CDH13: variants seen among roughly 807,000 people sequenced by gnomAD.
The protein encoded by CDH13 is cadherin-13.
In CDH13, 24 loss-of-function variants were observed where a neutral mutation model predicts 63.8. The observed-to-expected ratio is 0.38, with a 90% CI of 0.27 to 0.53. The LOEUF (loss-of-function observed/expected upper bound fraction) is 0.53, where lower values mean the gene tolerates loss of function less well. Among genes scored for constraint, CDH13 ranks in the 20% least tolerant of loss-of-function variants. The probability of loss-of-function intolerance (pLI) is 0.85; values close to 1 mark genes in which losing one functional copy is unlikely to be tolerated. For synonymous variants in CDH13, 503 were observed against 355.3 expected, an observed-to-expected ratio of 1.42 and a Z score of -4.67; for missense variants, 1,049 against 903.1, an observed-to-expected ratio of 1.16 and a Z score of -2.07.
chr16:83,184,857 C>G (rs1023843942), intron 4 of CDH13, among the ~76,000 whole-genome samples: 1 of 151,514 alleles, frequency 6.6e-6, no homozygotes. Context: ...TACATTAGCT[C>G]ATTTAGTGTT....
chr16:83,783,604 T>C lies in CDH13; in HGVS notation c.2134+132T>C, dbSNP rs1354086880. 7.8e-6 allele frequency: 6 copies of C among 766,032 alleles called. No homozygotes were observed. The Admixed American group carries it at 9.8e-5, about 12-fold the overall frequency. The allele number at this position is 766,032 out of a possible 1,614,324, so 47.5% of individuals were successfully genotyped here. ...AAGAATCATTCATCTTTAGTGTATG[T>C]CTGTATGATAGAACATGTTATATGT... is the stretch of plus-strand genomic sequence containing the variant. On this transcript the variant is annotated intron_variant, in intron 13 of 13. Transcript: ENST00000567109.
intron 4 of CDH13, among the ~76,000 whole-genome samples, chr16:83,191,599 C>G (rs976014734): frequency 7.2e-6 from 1 of 139,496 alleles, no homozygotes; most frequent in African/African-American, 2.7e-5. Context: ...TAAATAGTAT[C>G]AACTCACATG....
chr16:82,729,614 G>A (rs1157001213), intron 1 of CDH13, among the ~76,000 whole-genome samples: 4 of 152,070 alleles, frequency 2.6e-5, no homozygotes, highest in African/African-American at 4.8e-5. Flanking sequence ...AATTTAGGAT[G>A]ATTATTTAGG....
At chr16:83,253,593 G>C (rs1905852375) in intron 5 of CDH13, among the ~76,000 whole-genome samples, 1 of 152,196 alleles carries the variant, frequency 6.6e-6, no homozygotes. Context: ...CAGCCCTTCG[G>C]GGGTGCTTTG....
chr16:83,095,994 G>A (rs4641734), intron 3 of CDH13, among the ~76,000 whole-genome samples: 60,787 of 152,040 alleles, frequency 0.4, 12,928 homozygotes, highest in Middle Eastern at 0.58. Context: ...GGTTGAACAT[G>A]TCTTTAGGAG....
At chr16:82,879,847 T>A (rs2040633555) in intron 2 of CDH13, among the ~76,000 whole-genome samples, 1 of 142,222 alleles carries the variant, frequency 7.0e-6, no homozygotes, top group African/African-American at 2.6e-5. Context: ...CAAATTATAT[T>A]TGTGAATATA....
At chr16:82,776,846 G>A (rs2035522361) in intron 1 of CDH13, among the ~76,000 whole-genome samples, 2 of 152,184 alleles carry the variant, frequency 1.3e-5, no homozygotes, top group Admixed American at 1.3e-4. Flanking sequence ...AGGTGTCCCA[G>A]CATTTTGCAC....
chr16:82,690,798 G>C (rs1322252090), intron 1 of CDH13, among the ~76,000 whole-genome samples: 1 of 152,250 alleles, frequency 6.6e-6, no homozygotes, highest in Non-Finnish European at 1.5e-5. Context: ...ACCTCTGGGA[G>C]TCACCTGGGT....
At chr16:82,997,211 G>A (rs1330200996) in intron 2 of CDH13, among the ~76,000 whole-genome samples, 2 of 152,042 alleles carry the variant, frequency 1.3e-5, no homozygotes, top group Non-Finnish European at 2.9e-5. Flanking sequence ...TGATGATAAT[G>A]ATGGTAATGG....
At chr16:82,818,232 G>C (rs1398669783) in intron 1 of CDH13, among the ~76,000 whole-genome samples, 1 of 152,040 alleles carries the variant, frequency 6.6e-6, no homozygotes, top group Non-Finnish European at 1.5e-5. Flanking sequence ...CATTGTTTCT[G>C]TTACGTAGAT....
intron 3 of CDH13, among the ~76,000 whole-genome samples, chr16:83,066,928 G>T (rs1431118734): frequency 1.3e-5 from 2 of 152,124 alleles, no homozygotes; most frequent in East Asian, 1.9e-4. Flanking sequence ...TTACCAAGGG[G>T]TTCAGACTGT....
chr16:82,940,857 G>A (rs1180495546), intron 2 of CDH13, among the ~76,000 whole-genome samples: 3 of 152,132 alleles, frequency 2.0e-5, no homozygotes, highest in Admixed American at 2.0e-4. Context: ...CAACCCAGCT[G>A]CAAGCTTTAT....
chr16:83,747,905 C>A (rs944160439), intron 10 of CDH13, among the ~76,000 whole-genome samples: 4 of 151,946 alleles, frequency 2.6e-5, no homozygotes, highest in African/African-American at 9.7e-5. Context: ...AGGAGGCACA[C>A]ATGCAAAGTG....
At position 83,579,971 on chromosome 16, in the gene CDH13, G is replaced by A. The variant is rs796688692; in HGVS notation, c.961-22483G>A. On this transcript the variant is annotated intron_variant, in intron 7 of 13. Transcript: ENST00000567109. ...TGGACGGAGGCTGTCCCAGGCAAAGGGAATGGCGTTTTCAAAGGCTCAGAA... is the reference window on the plus strand; with the variant it reads ...TGGACGGAGGCTGTCCCAGGCAAAGAGAATGGCGTTTTCAAAGGCTCAGAA... 3.3e-5 allele frequency among the ~76,000 whole-genome samples: 5 copies of A among 152,160 alleles called. 1 individual carries two copies. The highest frequency in any genetic ancestry group is 9.6e-5 in the African/African-American group (4 of 41,510).
intron 2 of CDH13, among the ~76,000 whole-genome samples, chr16:82,922,054 A>G (rs1463662335): frequency 6.6e-6 from 1 of 152,166 alleles, no homozygotes; most frequent in African/African-American, 2.4e-5. Flanking sequence ...TTGGCATAAA[A>G]TTATTCATAG....
chr16:83,043,716 G>A (rs1187053667), intron 3 of CDH13, among the ~76,000 whole-genome samples: 2 of 152,012 alleles, frequency 1.3e-5, no homozygotes, highest in South Asian at 2.1e-4. Flanking sequence ...AAAATTAGCT[G>A]GGCATGGTGG....
In CDH13 at chr16:83,795,372, G is replaced by A. The variant is rs922142103; in HGVS notation, c.*342G>A. The A allele has an allele frequency of 4.1e-5, 13 of 318,614 alleles. No individual in the cohort carries two copies. The highest frequency in any genetic ancestry group is 7.1e-5 in the Non-Finnish European group (12 of 169,690). 19.7% of individuals were successfully genotyped at this position (318,614 alleles called of 1,614,324 possible). A position where few individuals can be genotyped will look rare whatever the true frequency, so the allele number is the denominator to read the frequency against. ...CTCCAGGCACCCAGCTTTGTCTGTGGGTTAGTATTGGTGTATGTATGAGTA... is the reference window on the plus strand; with the variant it reads ...CTCCAGGCACCCAGCTTTGTCTGTGAGTTAGTATTGGTGTATGTATGAGTA... On this transcript the variant is annotated 3_prime_UTR_variant, in exon 14 of 14. Coordinates refer to ENST00000567109, the MANE Select transcript of CDH13 (RefSeq NM_001257.5).
intron 3 of CDH13, among the ~76,000 whole-genome samples, chr16:83,084,945 C>T (rs1019179897): frequency 1.3e-5 from 2 of 152,176 alleles, no homozygotes; most frequent in East Asian, 3.9e-4. Flanking sequence ...CGAGAAGTCT[C>T]AGTGTAGGTG....
At chr16:83,090,007 G>A (rs2033814922) in intron 3 of CDH13, among the ~76,000 whole-genome samples, 1 of 152,110 alleles carries the variant, frequency 6.6e-6, no homozygotes, top group Non-Finnish European at 1.5e-5. Context: ...GAGGCTAGAA[G>A]CATGTAACAT....
Sources: allele counts gnomAD v4.1 joint callset (sites outside exome capture counted in the v4.1 genomes callset), GRCh38; gene constraint gnomAD v4.1.1; transcripts MANE v1.5; gene names NCBI Gene and HGNC (gene_info 2026-07-23, HGNC 2026-07-21).